WWOX: variants seen among roughly 807,000 people sequenced by gnomAD.
The protein encoded by WWOX is WW domain containing oxidoreductase.
A neutral mutation model predicts 46.2 loss-of-function variants in WWOX; 69 were observed. That is an observed-to-expected ratio of 1.49 (90% CI 1.23 to 1.82). The LOEUF is 1.82. Among genes scored for constraint, WWOX ranks in the 40% most tolerant of loss-of-function variants. The probability of loss-of-function intolerance (pLI) is 0.00; values close to 1 mark genes in which losing one functional copy is unlikely to be tolerated. For synonymous variants in WWOX, 359 were observed against 202.6 expected (o/e 1.77, Z -6.56); for missense variants, 919 against 542.6 (o/e 1.69, Z -6.89).
intron 8 of WWOX, among the ~76,000 whole-genome samples, chr16:78,629,563 T>C (rs1479363248): frequency 2.6e-5 from 4 of 152,186 alleles, no homozygotes; most frequent in African/African-American, 7.2e-5. Context: ...CAAAATCCTT[T>C]CCAGGGCCTG....
At chr16:78,828,608 T>G (rs1271035789) in intron 8 of WWOX, among the ~76,000 whole-genome samples, 3 of 152,116 alleles carry the variant, frequency 2.0e-5, no homozygotes, top group Non-Finnish European at 4.4e-5. Context: ...ATCGGACACA[T>G]GTCCTAATAA....
At chr16:78,573,027 C>T (rs2044757580) in intron 8 of WWOX, among the ~76,000 whole-genome samples, 1 of 152,198 alleles carries the variant, frequency 6.6e-6, no homozygotes, top group Non-Finnish European at 1.5e-5. Flanking sequence ...GTGGCTCACG[C>T]CTGTAATCCC....
intron 8 of WWOX, among the ~76,000 whole-genome samples, chr16:78,792,927 C>T (rs1188191157): frequency 1.3e-5 from 2 of 152,136 alleles, no homozygotes; most frequent in Admixed American, 1.3e-4. Flanking sequence ...GACGCAGACC[C>T]AAACCTTGAT....
chr16:78,437,386 C>G (rs1020572932), intron 8 of WWOX, among the ~76,000 whole-genome samples: 4 of 152,192 alleles, frequency 2.6e-5, no homozygotes, highest in Admixed American at 6.5e-5. Flanking sequence ...TAAATGTGAT[C>G]TGTCTTTTAA....
chr16:78,131,407 G>C (rs889358371), intron 4 of WWOX, among the ~76,000 whole-genome samples: 5 of 151,996 alleles, frequency 3.3e-5, no homozygotes, highest in African/African-American at 4.8e-5. Flanking sequence ...TAGAGATGAG[G>C]TCTTGCTATG....
At chr16:78,807,567 T>A (rs944161432) in intron 8 of WWOX, among the ~76,000 whole-genome samples, 3 of 152,358 alleles carry the variant, frequency 2.0e-5, no homozygotes, top group Admixed American at 1.3e-4. Flanking sequence ...GATTCAAATG[T>A]GGCAAATGTG....
intron 8 of WWOX, among the ~76,000 whole-genome samples, chr16:79,159,779 G>A (rs1041094179): frequency 2.0e-5 from 3 of 152,186 alleles, no homozygotes; most frequent in Admixed American, 6.5e-5. Flanking sequence ...TGTGGAGTGC[G>A]AATTCTCCTC....
At chr16:79,014,596 C>A (rs1249627881) in intron 8 of WWOX, among the ~76,000 whole-genome samples, 4 of 152,148 alleles carry the variant, frequency 2.6e-5, no homozygotes, top group African/African-American at 4.8e-5. Flanking sequence ...AACTCCTAGC[C>A]ACTGCTTTTT....
intron 8 of WWOX, among the ~76,000 whole-genome samples, chr16:79,013,407 A>G (rs560222990): frequency 6.6e-6 from 1 of 151,920 alleles, no homozygotes; most frequent in Non-Finnish European, 1.5e-5. Context: ...AGTTCTGGTA[A>G]CTCTTTTATC....
At chr16:78,901,182 A>G (rs1407058609) in intron 8 of WWOX, among the ~76,000 whole-genome samples, 2 of 152,160 alleles carry the variant, frequency 1.3e-5, no homozygotes, top group South Asian at 2.1e-4. Context: ...CTTCCTATCC[A>G]TGAGAGTAGG....
intron 5 of WWOX, among the ~76,000 whole-genome samples, chr16:78,183,238 A>T (rs543699140): frequency 2.6e-5 from 4 of 152,192 alleles, no homozygotes; most frequent in Admixed American, 6.5e-5. Flanking sequence ...TCTACCACCC[A>T]CTAGGGGTCT....
intron 8 of WWOX, among the ~76,000 whole-genome samples, chr16:78,580,585 A>G (rs1422248726): frequency 1.3e-5 from 2 of 152,236 alleles, no homozygotes; most frequent in African/African-American, 2.4e-5. Flanking sequence ...TCTTTATCGT[A>G]AGCACACTTC....
At chr16:79,052,424 G>A (rs1018128797) in intron 8 of WWOX, among the ~76,000 whole-genome samples, 15 of 152,072 alleles carry the variant, frequency 9.9e-5, no homozygotes, top group Admixed American at 2.6e-4. Context: ...CAGCCATCCC[G>A]TTACTGGGTG....
intron 8 of WWOX, among the ~76,000 whole-genome samples, chr16:79,041,920 C>T (rs1017992300): frequency 6.6e-6 from 1 of 152,028 alleles, no homozygotes; most frequent in African/African-American, 2.4e-5. Flanking sequence ...ACTGCTTTCT[C>T]CTCTCTAAGA....
chr16:78,431,641 C>T (rs2083219545), intron 7 of WWOX, among the ~76,000 whole-genome samples: 1 of 149,944 alleles, frequency 6.7e-6, no homozygotes, highest in Non-Finnish European at 1.5e-5. Flanking sequence ...GTCAGGACTG[C>T]TACATTTATG....
Position 79,144,033 on chromosome 16 carries a change from G to A in WWOX, c.1057-67575G>A, listed in dbSNP as rs144359333. ...GATTTTCAGCTTACTGAGTAGCTGT[G>A]ACTACAGGCACAGGCCTCCATACCC... On this transcript the variant is annotated intron_variant, in intron 8 of 8. Transcript: ENST00000566780. Among the ~76,000 whole-genome samples, 37 of 152,268 alleles carry A rather than the reference G, an allele frequency of 2.4e-4. No homozygotes were observed. The East Asian group carries it at 7.1e-3, about 29-fold the overall frequency.
rs1366138293 is a variant in WWOX at position 78,863,246 on chromosome 16, C to G, written c.1057-348362C>G. Among the ~76,000 whole-genome samples, 5 of 152,152 alleles carry G rather than the reference C, an allele frequency of 3.3e-5. No homozygotes were observed. The East Asian group carries it at 5.8e-4, about 18-fold the overall frequency. ...GTGCTAGGATTACAGGCGTGAGCCACCACTCCCAGCCAGCCAAGTAAGTTT... is the reference window on the plus strand; with the variant it reads ...GTGCTAGGATTACAGGCGTGAGCCAGCACTCCCAGCCAGCCAAGTAAGTTT... On this transcript the variant is annotated intron_variant, in intron 8 of 8. Transcript: ENST00000566780.
chr16:79,142,087 G>A (rs1056684458), intron 8 of WWOX, among the ~76,000 whole-genome samples: 3 of 152,084 alleles, frequency 2.0e-5, no homozygotes, highest in Non-Finnish European at 2.9e-5. Flanking sequence ...TCCATCTCCT[G>A]CCCTTACTTC....
At chr16:78,334,575 G>A (rs961165934) in intron 5 of WWOX, among the ~76,000 whole-genome samples, 1 of 152,004 alleles carries the variant, frequency 6.6e-6, no homozygotes, top group East Asian at 1.9e-4. Context: ...TTTCACATTT[G>A]TGTAATCAAG....
Sources: allele counts gnomAD v4.1 joint callset (sites outside exome capture counted in the v4.1 genomes callset), GRCh38; gene constraint gnomAD v4.1.1; transcripts MANE v1.5; gene names NCBI Gene and HGNC (gene_info 2026-07-23, HGNC 2026-07-21).